The following IMMP1L variants were observed in gnomAD, a reference collection of about 807,000 sequenced individuals.
IMMP1L encodes inner mitochondrial membrane peptidase subunit 1.
IMMP1L carries 24 observed loss-of-function variants against 21.8 expected under a neutral mutation model. The observed-to-expected ratio is 1.10, with a 90% CI of 0.80 to 1.55. The LOEUF is 1.55. IMMP1L is among the 40% of genes most tolerant of loss of function. The pLI, the probability that IMMP1L is intolerant of heterozygous loss-of-function variation, is 0.00. For synonymous variants in IMMP1L, 46 were observed against 62.8 expected (o/e 0.73, Z 1.26); for missense variants, 195 against 200.7 (o/e 0.97, Z 0.17).
At chr11:31,501,271 C>CA (rs1250663749) in intron 1 of IMMP1L, among the ~76,000 whole-genome samples, 1 of 152,256 alleles carries the variant, frequency 6.6e-6, no homozygotes, top group East Asian at 1.9e-4. Flanking sequence ...ATGTGTCCCC[C>CA]AAAAAGCATG....
At chr11:31,464,848 A>G (rs1954276063) in intron 1 of IMMP1L, among the ~76,000 whole-genome samples, 1 of 152,184 alleles carries the variant, frequency 6.6e-6, no homozygotes, top group Non-Finnish European at 1.5e-5. Flanking sequence ...TTAATGGGGG[A>G]AAAGCTGAAA....
At chr11:31,438,859 A>G (rs1377962339) in intron 4 of IMMP1L, among the ~76,000 whole-genome samples, 3 of 152,186 alleles carry the variant, frequency 2.0e-5, no homozygotes, top group Non-Finnish European at 4.4e-5. Context: ...CTTCAGGTAT[A>G]ACTATCTTCA....
chr11:31,437,742 G>C (rs1479009903), intron 4 of IMMP1L, among the ~76,000 whole-genome samples: 3 of 152,010 alleles, frequency 2.0e-5, no homozygotes, highest in African/African-American at 7.2e-5. Context: ...CTGTTCCTTT[G>C]CAGTCAGTTC....
chr11:31,487,911 T>C (rs1955136044), intron 1 of IMMP1L, among the ~76,000 whole-genome samples: 1 of 152,138 alleles, frequency 6.6e-6, no homozygotes, highest in Non-Finnish European at 1.5e-5. Context: ...TATAGCACCT[T>C]TATAATAGTT....
chr11:31,470,437 A>C (rs1954508498), intron 1 of IMMP1L, among the ~76,000 whole-genome samples: 1 of 151,986 alleles, frequency 6.6e-6, no homozygotes, highest in Non-Finnish European at 1.5e-5. Flanking sequence ...CAAAAAACAA[A>C]AAAAAAAAGA....
chr11:31,470,200 T>C (rs971853130), intron 1 of IMMP1L, among the ~76,000 whole-genome samples: 1 of 152,074 alleles, frequency 6.6e-6, no homozygotes, highest in African/African-American at 2.4e-5. Context: ...GATCACCTGA[T>C]GTCGGGAGTT....
intron 1 of IMMP1L, among the ~76,000 whole-genome samples, chr11:31,496,650 GTTATC>G (rs1955446637): frequency 6.7e-6 from 1 of 150,030 alleles, no homozygotes; most frequent in African/African-American, 2.4e-5. Context: ...TTATAAATAT[GTTATC>G]TTATATATAT....
chr11:31,466,631 T>G (rs1419013005), intron 1 of IMMP1L, among the ~76,000 whole-genome samples: 2 of 152,062 alleles, frequency 1.3e-5, no homozygotes, highest in Non-Finnish European at 2.9e-5. Flanking sequence ...CTGGGGCACA[T>G]TATGTTAAGA....
At chr11:31,448,976 A>G (rs550602011) in intron 4 of IMMP1L, 1 of 985,456 alleles carries the variant, frequency 1.0e-6, no homozygotes, top group Admixed American at 6.1e-5. Flanking sequence ...GCAAAAGAGT[A>G]AACATATTTC....
intron 1 of IMMP1L, among the ~76,000 whole-genome samples, chr11:31,502,359 T>C (rs1308305843): frequency 6.6e-6 from 1 of 152,202 alleles, no homozygotes; most frequent in African/African-American, 2.4e-5. Context: ...TTTGCTAGGA[T>C]ATCCAACTTT....
intron 1 of IMMP1L, among the ~76,000 whole-genome samples, chr11:31,504,703 G>A (rs1289000852): frequency 1.3e-5 from 2 of 152,028 alleles, no homozygotes; most frequent in African/African-American, 4.8e-5. Context: ...ATACTATACA[G>A]CAATAAGAAT....
intron 1 of IMMP1L, among the ~76,000 whole-genome samples, chr11:31,471,220 C>T (rs1954539556): frequency 6.6e-6 from 1 of 152,120 alleles, no homozygotes; most frequent in Non-Finnish European, 1.5e-5. Context: ...TCATACTGTA[C>T]CATAACTGTA....
At chr11:31,453,866 G>A (rs1025154489) in intron 4 of IMMP1L, among the ~76,000 whole-genome samples, 7 of 152,128 alleles carry the variant, frequency 4.6e-5, no homozygotes, top group Non-Finnish European at 8.8e-5. Context: ...CATAGGAACA[G>A]AATAGATAGG....
chr11:31,452,464 T>G (rs1953789288), intron 4 of IMMP1L: 4 of 985,332 alleles, frequency 4.1e-6, no homozygotes, highest in African/African-American at 1.7e-5. Context: ...AATAGGAGAA[T>G]GCCAACTCAT....
intron 4 of IMMP1L, chr11:31,449,112 G>A: frequency 3.1e-6 from 3 of 983,098 alleles, no homozygotes; most frequent in Non-Finnish European, 3.6e-6. Flanking sequence ...CAAGTCGCTT[G>A]TTTAGATACT....
At chr11:31,473,667 G>T in intron 1 of IMMP1L, 1 of 685,262 alleles carries the variant, frequency 1.5e-6, no homozygotes, top group Non-Finnish European at 1.8e-6. Context: ...AAATTTCTGG[G>T]CATAGGCATC....
At chr11:31,485,641 G>T (rs1393537691) in intron 1 of IMMP1L, among the ~76,000 whole-genome samples, 1 of 151,896 alleles carries the variant, frequency 6.6e-6, no homozygotes, top group African/African-American at 2.4e-5. Context: ...TTAGGCAAAT[G>T]CGTTGATTTT....
At chr11:31,461,441 T>A (rs1254819230) in intron 2 of IMMP1L, among the ~76,000 whole-genome samples, 1 of 152,186 alleles carries the variant, frequency 6.6e-6, no homozygotes, top group African/African-American at 2.4e-5. Context: ...ATTTTCCTAT[T>A]TGTATGTCTC....
At chr11:31,454,239 T>C (rs770794735) in intron 4 of IMMP1L, among the ~76,000 whole-genome samples, 6 of 151,844 alleles carry the variant, frequency 4.0e-5, no homozygotes, top group Non-Finnish European at 5.9e-5. Flanking sequence ...ATCAAACATA[T>C]AAAAACTCGG....
Sources: allele counts gnomAD v4.1 joint callset (sites outside exome capture counted in the v4.1 genomes callset), GRCh38; gene constraint gnomAD v4.1.1; transcripts MANE v1.5; gene names NCBI Gene and HGNC (gene_info 2026-07-23, HGNC 2026-07-21).